EVA1C: variants seen among roughly 807,000 people sequenced by gnomAD.
The protein encoded by EVA1C is protein eva-1 homolog C.
EVA1C carries 25 observed loss-of-function variants against 45.4 expected under a neutral mutation model. That is an observed-to-expected ratio of 0.55 (90% CI 0.40 to 0.77). The LOEUF (loss-of-function observed/expected upper bound fraction) is 0.77, where lower values mean the gene tolerates loss of function less well. Among genes scored for constraint, EVA1C ranks in the 30% least tolerant of loss-of-function variants. The pLI, the probability that EVA1C is intolerant of heterozygous loss-of-function variation, is 0.00. For synonymous variants in EVA1C, 190 were observed against 221.2 expected, an observed-to-expected ratio of 0.86 and a Z score of 1.25; for missense variants, 479 against 554.8, an observed-to-expected ratio of 0.86 and a Z score of 1.37.
chr21:32,503,186 C>T lies in EVA1C; in HGVS notation c.860-740C>T, dbSNP rs542188697. 1.9e-3 allele frequency among the ~76,000 whole-genome samples: 297 copies of T among 152,338 alleles called. 1 individual carries two copies. The highest frequency in any genetic ancestry group is 6.6e-3 in the African/African-American group (273 of 41,576). ...TCCAAAAAAAGTAGCCCAATACAAC[C>T]TCCCTCTGTAATGGAGGCTTGTTTT... On this transcript the variant is annotated intron_variant, in intron 6 of 7. Transcript: ENST00000300255.
chr21:32,492,233 G>C (rs1412472577), intron 4 of EVA1C, among the ~76,000 whole-genome samples: 1 of 152,204 alleles, frequency 6.6e-6, no homozygotes, highest in East Asian at 1.9e-4. Flanking sequence ...TTTAGGCACC[G>C]GAAGTTCCAG....
intron 1 of EVA1C, among the ~76,000 whole-genome samples, chr21:32,420,141 T>G (rs950033961): frequency 6.6e-6 from 1 of 151,678 alleles, no homozygotes; most frequent in Non-Finnish European, 1.5e-5. Flanking sequence ...GTTGGTGAGT[T>G]AAAAATACTT....
intron 7 of EVA1C, among the ~76,000 whole-genome samples, chr21:32,507,949 TTG>T (rs56001680): frequency 0.47 from 69,660 of 149,526 alleles, 17,667 homozygotes; most frequent in East Asian, 0.68. Flanking sequence ...GTATGTGTGT[TTG>T]TGTGTGTGTG....
At chr21:32,468,109 C>T (rs576576237) in intron 4 of EVA1C, 20 of 166,742 alleles carry the variant, frequency 1.2e-4, no homozygotes, top group Middle Eastern at 5.4e-3. Context: ...CAGTGGCTCA[C>T]GCCTATAATC....
At chr21:32,475,923 C>A (rs117771553) in intron 4 of EVA1C, among the ~76,000 whole-genome samples, 61,963 of 150,376 alleles carry the variant, frequency 0.41, 13,487 homozygotes, top group East Asian at 0.53. Context: ...ATCTATCTAT[C>A]TATCTATATA....
intron 7 of EVA1C, among the ~76,000 whole-genome samples, chr21:32,511,461 A>T (rs188484124): frequency 1.3e-5 from 2 of 151,706 alleles, no homozygotes; most frequent in African/African-American, 4.8e-5. Flanking sequence ...AAAGAAAAGA[A>T]AAAAGAAAAT....
chr21:32,496,830 A>C, intron 5 of EVA1C: 1 of 839,940 alleles, frequency 1.2e-6, no homozygotes, highest in Non-Finnish European at 2.1e-6. Context: ...TAGTGAAAGG[A>C]GACCAGGTGA....
At chr21:32,460,859 C>G (rs1376461654) in intron 3 of EVA1C, among the ~76,000 whole-genome samples, 1 of 151,960 alleles carries the variant, frequency 6.6e-6, no homozygotes, top group African/African-American at 2.4e-5. Context: ...GATTCTCCTG[C>G]CTCAGCCTCC....
At chr21:32,467,899 T>G in intron 4 of EVA1C, 51 bp downstream of exon 4, 1 of 1,110,728 alleles carries the variant, frequency 9.0e-7, no homozygotes, top group Non-Finnish European at 1.2e-6. Flanking sequence ...GGGACAGAAT[T>G]AATAGAATAT....
intron 1 of EVA1C, among the ~76,000 whole-genome samples, chr21:32,433,881 AG>A (rs1354317326): frequency 2.3e-5 from 1 of 42,850 alleles, no homozygotes; most frequent in Non-Finnish European, 3.7e-5. Context: ...GAAATTGGCC[AG>A]GTGCAGTGGC....
rs1568888323 is a variant in EVA1C, at chr21:32,444,088, AC to A, written c.161-9223del. Among the ~76,000 whole-genome samples the A allele has an allele frequency of 1.9e-3, 293 of 150,334 alleles. 1 individual carries two copies. Among genetic ancestry groups the A allele is most frequent in the South Asian group, 6.5e-3 (31 of 4,748 alleles). On this transcript the variant is annotated intron_variant, in intron 1 of 7. Transcript: ENST00000300255. Reference sequence around the variant, plus strand: ...CACACACACACACACACACACACACACACAAACTCAAAGTACTTTCTCTATT... The same window carrying A: ...CACACACACACACACACACACACACAACAAACTCAAAGTACTTTCTCTATT...
rs1568848304 is a variant in EVA1C, at chr21:32,412,875, C to G, written c.22C>G (p.Arg8Gly). The G allele has an allele frequency of 2.7e-6, 4 of 1,498,376 alleles. No homozygotes were observed. Among genetic ancestry groups the G allele is most frequent in the Non-Finnish European group, 3.5e-6 (4 of 1,129,500 alleles). The allele number at this position is 1,498,376 out of a possible 1,614,324, so 92.8% of individuals were successfully genotyped here. MLLPGRA[R>G]QPPTPQPVQH... ...CACGATGCTTCTGCCGGGACGCGCA[C>G]GCCAACCGCCGACGCCCCAGCCCGT... The change falls in exon 1 of 8, where the codon CGC becomes GGC. Residue 8 changes from arginine (R) to glycine (G), a missense_variant. Around this residue, in one of 3 missense-constraint regions of EVA1C, gnomAD observed 80 missense variants for 63.8 expected, o/e 1.25. Coordinates refer to ENST00000300255, the MANE Select transcript of EVA1C (RefSeq NM_058187.5).
chr21:32,440,577 G>GAGTAACTTTTTAAA (rs773840325), intron 1 of EVA1C, among the ~76,000 whole-genome samples: 114 of 152,284 alleles, frequency 7.5e-4, no homozygotes, highest in Non-Finnish European at 1.1e-3. Context: ...AGCACATTTA[G>GAGTAACTTTTTAAA]AGTAACTTTT....
intron 1 of EVA1C, among the ~76,000 whole-genome samples, chr21:32,420,871 C>T (rs2034242330): frequency 6.6e-6 from 1 of 152,164 alleles, no homozygotes; most frequent in African/African-American, 2.4e-5. Context: ...TCCAGGTAGC[C>T]TTTCTAATAC....
intron 1 of EVA1C, among the ~76,000 whole-genome samples, chr21:32,445,655 G>A (rs1348540165): frequency 5.3e-5 from 8 of 152,116 alleles, no homozygotes; most frequent in Non-Finnish European, 1.2e-4. Context: ...TCCCAAGAAG[G>A]ACTTCCCTGT....
chr21:32,486,096 G>C, intron 4 of EVA1C, among the ~76,000 whole-genome samples: 1 of 152,164 alleles, frequency 6.6e-6, no homozygotes, highest in Non-Finnish European at 1.5e-5. Flanking sequence ...AGAAAGAGTG[G>C]ATGCGGAGCT....
chr21:32,485,648 T>C (rs910909235), intron 4 of EVA1C, among the ~76,000 whole-genome samples: 1 of 152,200 alleles, frequency 6.6e-6, no homozygotes, highest in Non-Finnish European at 1.5e-5. Flanking sequence ...GTCTTCTCTC[T>C]CTTGCCAAAT....
At chr21:32,438,582 A>C (rs2035057436) in intron 1 of EVA1C, among the ~76,000 whole-genome samples, 1 of 151,706 alleles carries the variant, frequency 6.6e-6, no homozygotes, top group Admixed American at 6.6e-5. Context: ...TCCTCGATGG[A>C]GCTCTGCTGG....
intron 1 of EVA1C, among the ~76,000 whole-genome samples, chr21:32,438,316 G>T (rs916340187): frequency 6.6e-6 from 1 of 151,912 alleles, no homozygotes; most frequent in African/African-American, 2.4e-5. Flanking sequence ...GGCCAATATG[G>T]CAAAACCCCA....
Sources: gnomAD v4.1 joint callset for allele counts (sites outside exome capture counted in the v4.1 genomes callset) on GRCh38, gnomAD v4.1.1 for gene constraint, gnomAD v4.1.1 regional missense constraint, MANE v1.5 for transcripts, NCBI Gene and HGNC (gene_info 2026-07-23, HGNC 2026-07-21) for gene names.